The following SVEP1 variants were observed in gnomAD, a reference collection of about 807,000 sequenced individuals.
The protein encoded by SVEP1 is sushi, von Willebrand factor type A, EGF and pentraxin domain-containing protein 1.
SVEP1 carries 164 observed loss-of-function variants against 367.3 expected under a neutral mutation model. The observed-to-expected ratio is 0.45, with a 90% CI of 0.39 to 0.51. The LOEUF is 0.51. Among genes scored for constraint, SVEP1 ranks in the 20% least tolerant of loss-of-function variants. SVEP1 has a pLI of 0.00. For synonymous variants in SVEP1, 1,666 were observed against 1,611.6 expected, an observed-to-expected ratio of 1.03 and a Z score of -0.81; for missense variants, 4,117 against 4,425.3, an observed-to-expected ratio of 0.93 and a Z score of 1.98.
chr9:110,372,023 T>C (rs1019948029), intron 46 of SVEP1, among the ~76,000 whole-genome samples: 28 of 152,222 alleles, frequency 1.8e-4, no homozygotes, highest in Non-Finnish European at 5.9e-5. Flanking sequence ...TCGCATGTGA[T>C]GTGTTTCCTG....
chr9:110,436,604 TGAAA>T lies in SVEP1; in HGVS notation c.4640-104_4640-101del. Reference sequence around the variant, plus strand: ...TGAAAGCACGACTGATACAAATAAATGAAAGAAAATTACTGAAAAGCAAAATTCT... The same window carrying T: ...TGAAAGCACGACTGATACAAATAAATGAAAATTACTGAAAAGCAAAATTCT... On this transcript the variant is annotated intron_variant, in intron 27 of 47. Transcript: ENST00000374469. The T allele has an allele frequency of 4.2e-6, 6 of 1,428,242 alleles. No homozygotes were observed. In the Admixed American group the frequency reaches 1.7e-4, roughly 39 times the overall value. 88.5% of individuals were successfully genotyped at this position (1,428,242 alleles called of 1,614,324 possible).
intron 26 of SVEP1, 27 bp downstream of exon 26, chr9:110,445,810 C>G (rs1335338232): frequency 6.2e-7 from 1 of 1,612,450 alleles, no homozygotes; most frequent in Non-Finnish European, 8.5e-7. Flanking sequence ...AGATCTTAAG[C>G]ATAGCCTTCC....
chr9:110,478,501 G>A (rs1326361407), intron 13 of SVEP1, among the ~76,000 whole-genome samples: 1 of 152,130 alleles, frequency 6.6e-6, no homozygotes, highest in African/African-American at 2.4e-5. Context: ...TAGACACTGA[G>A]TCTAACACAC....
rs1315263301 is a variant in SVEP1, at chr9:110,527,594, TATTTTC to T, written c.965-13494_965-13489del. 6.6e-5 allele frequency among the ~76,000 whole-genome samples: 10 copies of T among 152,162 alleles called. No individual in the cohort carries two copies. The East Asian group carries it at 1.7e-3, about 26-fold the overall frequency. On this transcript the variant is annotated intron_variant, in intron 3 of 47. Transcript: ENST00000374469. ...GTTTGCCAATACTATGGCTCAGAAA[TATTTTC>T]ATTTTAATTTGTATTTGTCCATTAT...
intron 3 of SVEP1, among the ~76,000 whole-genome samples, chr9:110,539,983 C>A (rs1183775589): frequency 6.6e-6 from 1 of 152,006 alleles, no homozygotes; most frequent in East Asian, 1.9e-4. Flanking sequence ...TGCTTAAGTT[C>A]TCAGACTTTT....
chr9:110,505,633 C>T (rs1171540156), intron 5 of SVEP1, among the ~76,000 whole-genome samples: 4 of 152,110 alleles, frequency 2.6e-5, no homozygotes, highest in Admixed American at 2.6e-4. Context: ...CTTCCAGCTC[C>T]TTTGAAGTAT....
chr9:110,456,598 T>C (rs1256849493), intron 21 of SVEP1, among the ~76,000 whole-genome samples: 1 of 152,238 alleles, frequency 6.6e-6, no homozygotes, highest in Non-Finnish European at 1.5e-5. Context: ...ATACCACTTC[T>C]CATGAAAAAC....
chr9:110,540,460 C>T (rs570397405), intron 3 of SVEP1, among the ~76,000 whole-genome samples: 1 of 152,072 alleles, frequency 6.6e-6, no homozygotes, highest in South Asian at 2.1e-4. Flanking sequence ...ACAACAACAA[C>T]AACAGCAAAA....
Position 110,482,565 on chromosome 9 carries a change from T to C in SVEP1, c.2039-73A>G, listed in dbSNP as rs983794787. 1.5e-5 allele frequency: 23 copies of C among 1,509,358 alleles called. 1 individual carries two copies. In the African/African-American group the frequency reaches 2.9e-4, roughly 19 times the overall value. The allele number at this position is 1,509,358 out of a possible 1,614,324, so 93.5% of individuals were successfully genotyped here. A position where few individuals can be genotyped will look rare whatever the true frequency, so the allele number is the denominator to read the frequency against. ...TTTTTTTGAAACAGTCTTACTCTGTTGCCCAGGCTGGAGTGCAATGGCATG... is the reference window on the plus strand; with the variant it reads ...TTTTTTTGAAACAGTCTTACTCTGTCGCCCAGGCTGGAGTGCAATGGCATG... On this transcript the variant is annotated intron_variant, in intron 10 of 47. Coordinates refer to ENST00000374469, the MANE Select transcript of SVEP1 (RefSeq NM_153366.4).
intron 2 of SVEP1, among the ~76,000 whole-genome samples, chr9:110,548,887 C>T (rs1038226794): frequency 2.6e-5 from 4 of 152,078 alleles, no homozygotes; most frequent in African/African-American, 4.8e-5. Flanking sequence ...CTTTGGGAGG[C>T]CCAGGTGGGA....
intron 40 of SVEP1, among the ~76,000 whole-genome samples, chr9:110,394,024 CG>C (rs1341101044): frequency 1.3e-5 from 2 of 152,174 alleles, no homozygotes; most frequent in Admixed American, 6.5e-5. Context: ...TCTCCCAGCA[CG>C]CAGCTTGAGA....
chr9:110,414,828 G>A (rs975793460), intron 36 of SVEP1, among the ~76,000 whole-genome samples: 3 of 151,790 alleles, frequency 2.0e-5, no homozygotes, highest in African/African-American at 4.9e-5. Flanking sequence ...ACAACAGGAA[G>A]CATAAATCAG....
chr9:110,528,156 G>GTGTGTGTGTATGTATATGTATA, intron 3 of SVEP1, among the ~76,000 whole-genome samples: 2 of 33,942 alleles, frequency 5.9e-5, no homozygotes, highest in Non-Finnish European at 1.1e-4. Flanking sequence ...GTGTGTGTGT[G>GTGTGTGTGTATGTATATGTATA]TATATATATA....
chr9:110,368,124 G>T (rs1388803710), intron 47 of SVEP1, among the ~76,000 whole-genome samples: 1 of 139,892 alleles, frequency 7.1e-6, no homozygotes, highest in Non-Finnish European at 1.6e-5. Flanking sequence ...GAACTAAACA[G>T]AAGAAAACCA....
intron 12 of SVEP1, among the ~76,000 whole-genome samples, chr9:110,480,286 C>T (rs1397746811): frequency 6.6e-6 from 1 of 152,050 alleles, no homozygotes; most frequent in African/African-American, 2.4e-5. Flanking sequence ...GGACAGTCTC[C>T]TACTAGCATC....
rs759297137 is a variant in SVEP1, at chr9:110,450,113, A to T, written c.4049T>A (p.Leu1350His). 4 of 1,613,944 alleles carry T rather than the reference A, an allele frequency of 2.5e-6. No individual in the cohort carries two copies. The highest frequency in any genetic ancestry group is 1.6e-4 in the Middle Eastern group (1 of 6,062). ...AGCTCCATTTTTGCATGGCTGACTG[A>T]GACACTCATCGACGTTCTTTCCACA... is the stretch of plus-strand genomic sequence containing the variant. ...TRCGKNVDEC[L>H]SQPCKNGATC... is the part of the protein sequence containing the mutation. The change falls in exon 24 of 48, where the codon CTC becomes CAC. Residue 1350 changes from leucine (L) to histidine (H), a missense_variant. This residue lies in a region of SVEP1 where 2,174 missense variants were observed against 2,494.3 expected (regional missense o/e 0.87). Transcript: ENST00000374469.
intron 7 of SVEP1, among the ~76,000 whole-genome samples, chr9:110,497,403 C>T (rs531801735): frequency 6.6e-6 from 1 of 152,298 alleles, no homozygotes; most frequent in Admixed American, 6.5e-5. Context: ...CTCTGGATTT[C>T]CCAACCATAA....
At chr9:110,457,818 A>G (rs1474579221) in intron 20 of SVEP1, among the ~76,000 whole-genome samples, 1 of 152,198 alleles carries the variant, frequency 6.6e-6, no homozygotes, top group Non-Finnish European at 1.5e-5. Context: ...AGTCCTAACA[A>G]GTCATTATGT....
intron 46 of SVEP1, among the ~76,000 whole-genome samples, chr9:110,373,887 C>G (rs1327534): frequency 0.23 from 35,097 of 152,092 alleles, 4,706 homozygotes; most frequent in Middle Eastern, 0.36. Context: ...GAGGTGCTAA[C>G]AGGATGTTTT....
Sources: allele counts gnomAD v4.1 joint callset (sites outside exome capture counted in the v4.1 genomes callset), GRCh38; gene constraint gnomAD v4.1.1; regional missense constraint gnomAD v4.1.1; transcripts MANE v1.5; gene names NCBI Gene and HGNC (gene_info 2026-07-23, HGNC 2026-07-21).